The following CPXM1 variants were observed in gnomAD, a reference collection of about 807,000 sequenced individuals.
The protein encoded by CPXM1 is probable carboxypeptidase X1.
In CPXM1, 72 loss-of-function variants were observed where a neutral mutation model predicts 80.4. The observed-to-expected ratio is 0.90, with a 90% CI of 0.74 to 1.09. The LOEUF is 1.09. Among genes scored for constraint, CPXM1 ranks in the 50% least tolerant of loss-of-function variants. The probability of loss-of-function intolerance (pLI) is 0.00; values close to 1 mark genes in which losing one functional copy is unlikely to be tolerated. For synonymous variants in CPXM1, 403 were observed against 405.6 expected, an observed-to-expected ratio of 0.99 and a Z score of 0.08; for missense variants, 892 against 999.4, an observed-to-expected ratio of 0.89 and a Z score of 1.45.
chr20:2,798,353 G>A, intron 3 of CPXM1, 62 bp from the exon 4 acceptor site: 1 of 1,603,998 alleles, frequency 6.2e-7, no homozygotes, highest in Non-Finnish European at 8.5e-7. Context: ...CCAGGACAGA[G>A]AGGAGGCAGG....
At chr20:2,800,192 T>C (rs762209477) in intron 1 of CPXM1, among the ~76,000 whole-genome samples, 9 of 150,086 alleles carry the variant, frequency 6.0e-5, no homozygotes, top group South Asian at 4.2e-4. Flanking sequence ...TGCGCGCGCG[T>C]GTGAGTGCAA....
At chr20:2,800,180 A>G (rs1175571701) in intron 1 of CPXM1, among the ~76,000 whole-genome samples, 1 of 149,316 alleles carries the variant, frequency 6.7e-6, no homozygotes, top group African/African-American at 2.5e-5. Flanking sequence ...CATGCGTGTG[A>G]ATGCGCGCGC....
rs2088508877 is a variant in CPXM1, at chr20:2,796,373, G to A, written c.1116C>T (p.Leu372=). The change falls in exon 9 of 14, where the codon CTC becomes CTT. Residue 372 remains leucine, a synonymous_variant. Transcript: ENST00000380605. The surrounding 1 kb of genome is among the most constrained non-coding windows in gnomAD (Gnocchi z 6.8). ...NEALGRELLL[L]LMQFLCHEFL... is the part of the protein sequence containing the mutation. ...ACTCATGGCACAGGAACTGCATCAG[G>A]AGCAGAAGCAACTCCCGCCCCAGGG... 6.2e-7 allele frequency: 1 copy of A among 1,613,974 alleles called. No homozygotes were observed. The highest frequency in any genetic ancestry group is 8.5e-7 in the Non-Finnish European group (1 of 1,180,014).
chr20:2,794,783 A>G lies in CPXM1; in HGVS notation c.1861-144T>C. The G allele has an allele frequency of 1.6e-6, 1 of 617,220 alleles. No homozygotes were observed. The highest frequency in any genetic ancestry group is 2.9e-6 in the Non-Finnish European group (1 of 349,564). The allele number at this position is 617,220 out of a possible 1,614,324, so 38.2% of individuals were successfully genotyped here. On this transcript the variant is annotated intron_variant, in intron 12 of 13. Transcript: ENST00000380605. The surrounding 1 kb of genome is among the most constrained non-coding windows in gnomAD (Gnocchi z 5.2). ...TAGGTGACACTACTTCTGGAAGAAA[A>G]AAAAAAAAGAAATCCTGATTGACAA...
chr20:2,800,271 GGTGAGTGTGCATGACT>G (rs2146565087), intron 1 of CPXM1, 114 bp downstream of exon 1: 1 of 802,928 alleles, frequency 1.2e-6, no homozygotes, highest in Non-Finnish European at 1.8e-6. Context: ...GTGCGTGCGG[GGTGAGTGTGCATGACT>G]GTGAGTGTGC....
chr20:2,796,676 T>G lies in CPXM1; in HGVS notation c.922-26A>C, dbSNP rs768875938. 12 of 1,612,806 alleles carry G rather than the reference T, an allele frequency of 7.4e-6. No homozygotes were observed. In the South Asian group the frequency reaches 9.9e-5, roughly 13 times the overall value. On this transcript the variant is annotated intron_variant, in intron 7 of 13. Transcript: ENST00000380605. This position sits in a 1 kb window ranked among gnomAD's most constrained non-coding sequence, Gnocchi z 6.8. ...CTGGTGGGCAGAGTGTAGCGTGGCA[T>G]GAGGCATGGGAGGGGTACACCCAGG...
In CPXM1 at chr20:2,798,826, C is replaced by T; in HGVS notation, c.240G>A (p.Lys80=). 6.2e-7 allele frequency: 1 copy of T among 1,614,098 alleles called. No individual in the cohort carries two copies. The highest frequency in any genetic ancestry group is 8.5e-7 in the Non-Finnish European group (1 of 1,179,976). Residue 80 remains lysine (K), a synonymous_variant, in exon 2 of 14, where the codon AAG becomes AAA. Coordinates refer to ENST00000380605, the MANE Select transcript of CPXM1 (RefSeq NM_019609.5). ...KKKKVIMKKR[K]KLTLTRPTPL... Reference sequence around the variant, plus strand: ...GGGTGGGGCGAGTTAGAGTTAGCTTCTTCCGCTTCTTCATAATGACCTTTT... The same window carrying T: ...GGGTGGGGCGAGTTAGAGTTAGCTTTTTCCGCTTCTTCATAATGACCTTTT...
Position 2,796,258 on chromosome 20 carries a change from C to T in CPXM1, c.1231G>A (p.Ala411Thr), listed in dbSNP as rs756244542. The T allele has an allele frequency of 3.1e-6, 5 of 1,613,250 alleles. No individual in the cohort carries two copies. Among genetic ancestry groups the T allele is most frequent in the African/African-American group, 1.3e-5 (1 of 74,884 alleles). ...GCTGGGTGGCCTACCCGGTGGTAGG[C>T]GATCTCATAGCCATCAGGGTTCATG... ...PSMNPDGYEI[A>T]YHRGSELVGW... The change falls in exon 9 of 14, where the codon GCC (alanine) becomes ACC (threonine). Residue 411 changes from alanine (A) to threonine (T), a missense_variant. By Grantham distance (58) the Ala-to-Thr change is moderately conservative. Coordinates refer to ENST00000380605, the MANE Select transcript of CPXM1 (RefSeq NM_019609.5). This position sits in a 1 kb window ranked among gnomAD's most constrained non-coding sequence, Gnocchi z 6.8.
At position 2,798,906 on chromosome 20, in the gene CPXM1, G is replaced by C. The variant is rs1437815068; in HGVS notation, c.173-13C>G. 1 of 1,611,858 alleles carries C rather than the reference G, an allele frequency of 6.2e-7. No individual in the cohort carries two copies. The highest frequency in any genetic ancestry group is 8.5e-7 in the Non-Finnish European group (1 of 1,178,792). On this transcript the variant is annotated splice_polypyrimidine_tract_variant and intron_variant, in intron 1 of 13. Coordinates refer to ENST00000380605, the MANE Select transcript of CPXM1 (RefSeq NM_019609.5). ...TGTTCTGAGGTCCCTTGGGGTCCGA[G>C]AGGCACAGCATGGGGGAAAGGAAGA...
intron 1 of CPXM1, among the ~76,000 whole-genome samples, chr20:2,800,046 C>G (rs1023955568): frequency 1.3e-5 from 2 of 152,076 alleles, no homozygotes; most frequent in Non-Finnish European, 2.9e-5. Flanking sequence ...AGTCAGCAGC[C>G]ATTGCTCCCA....
At chr20:2,799,753 G>GCTGCCTTCCTCTCCCGCT (rs1286985222) in intron 1 of CPXM1, among the ~76,000 whole-genome samples, 12 of 152,138 alleles carry the variant, frequency 7.9e-5, no homozygotes, top group African/African-American at 2.7e-4. Flanking sequence ...GGGAGGTCGG[G>GCTGCCTTCCTCTCCCGCT]CTGCCTTCCT....
Position 2,796,057 on chromosome 20 carries a change from G to A in CPXM1, c.1347C>T (p.Asp449=), listed in dbSNP as rs140373758. ...GGACGATGTGGGGCACCTTCCCATCGTCCTGTGCTTCCCACAGTGGTGTGT... is the reference window on the plus strand; with the variant it reads ...GGACGATGTGGGGCACCTTCCCATCATCCTGTGCTTCCCACAGTGGTGTGT... ...DLNTPLWEAQ[D]DGKVPHIVPN... The change falls in exon 10 of 14, where the codon GAC becomes GAT. Residue 449 remains aspartate, a synonymous_variant. Coordinates refer to ENST00000380605, the MANE Select transcript of CPXM1 (RefSeq NM_019609.5). The surrounding 1 kb of genome is among the most constrained non-coding windows in gnomAD (Gnocchi z 6.8). 5.9e-5 allele frequency: 95 copies of A among 1,614,042 alleles called. No individual in the cohort carries two copies. Among genetic ancestry groups the A allele is most frequent in the East Asian group, 5.1e-4 (23 of 44,874 alleles).
chr20:2,798,381 C>T (rs764359545), intron 3 of CPXM1, 47 bp downstream of exon 3: 40 of 1,601,784 alleles, frequency 2.5e-5, no homozygotes, highest in Non-Finnish European at 3.3e-5. Context: ...CTCCCAGGGG[C>T]TGCCTTCCCT....
At position 2,800,382 on chromosome 20, in the gene CPXM1, C is replaced by A; in HGVS notation, c.172+19G>T. On this transcript the variant is annotated intron_variant, in intron 1 of 13. Coordinates refer to ENST00000380605, the MANE Select transcript of CPXM1 (RefSeq NM_019609.5). ...GCAGTCGGCTTGCGGGGGAGCGGAC[C>A]GTCGGTCGGGGAACTCACCGTTAGC... is the stretch of plus-strand genomic sequence containing the variant. 6.7e-7 allele frequency: 1 copy of A among 1,501,834 alleles called. No individual in the cohort carries two copies. The allele number at this position is 1,501,834 out of a possible 1,614,324, so 93.0% of individuals were successfully genotyped here.
In CPXM1 at chr20:2,795,330, A is replaced by C. The variant is rs769295245; in HGVS notation, c.1807T>G (p.Leu603Val). Reference sequence around the variant, plus strand: ...TTGTTGTTCTCCCACTCCTGGGGCAATTCATTCTCGTGAGGGAACTTGTCA... The same window carrying C: ...TTGTTGTTCTCCCACTCCTGGGGCACTTCATTCTCGTGAGGGAACTTGTCA... ...SCDKFPHENE[L>V]PQEWENNKDA... The change falls in exon 12 of 14, where the codon TTG becomes GTG. Residue 603 changes from leucine (L) to valine (V), a missense_variant. By Grantham distance (32) the Leu-to-Val change is conservative. Transcript: ENST00000380605. The surrounding 1 kb of genome is among the most constrained non-coding windows in gnomAD (Gnocchi z 5.4). 1 of 1,614,074 alleles carries C rather than the reference A, an allele frequency of 6.2e-7. No homozygotes were observed. Among genetic ancestry groups the C allele is most frequent in the Non-Finnish European group, 8.5e-7 (1 of 1,180,006 alleles).
rs767540902 is a variant in CPXM1, at chr20:2,797,955, T to C, written c.681+13A>G. On this transcript the variant is annotated intron_variant, in intron 5 of 13. Coordinates refer to ENST00000380605, the MANE Select transcript of CPXM1 (RefSeq NM_019609.5). Reference sequence around the variant, plus strand: ...CCCAGCATGGAGGCCCCAGCCACAGTGGGACCACTCACTGCGTCCATCCCA... The same window carrying C: ...CCCAGCATGGAGGCCCCAGCCACAGCGGGACCACTCACTGCGTCCATCCCA... The C allele has an allele frequency of 1.2e-5, 20 of 1,612,908 alleles. No individual in the cohort carries two copies. Among genetic ancestry groups the C allele is most frequent in the Admixed American group, 1.7e-5 (1 of 59,994 alleles).
intron 1 of CPXM1, among the ~76,000 whole-genome samples, 157 bp downstream of exon 1, chr20:2,800,244 T>C (rs987064026): frequency 2.0e-5 from 3 of 151,846 alleles, no homozygotes; most frequent in Non-Finnish European, 4.4e-5. Flanking sequence ...CGCGCGTGTG[T>C]GCGCGTGAGT....
At chr20:2,800,286 C>G (rs1033249030) in intron 1 of CPXM1, 115 bp downstream of exon 1, 4 of 957,506 alleles carry the variant, frequency 4.2e-6, no homozygotes, top group African/African-American at 1.7e-5. Flanking sequence ...GTGTGCATGA[C>G]TGTGAGTGTG....
Position 2,796,534 on chromosome 20 carries a change from A to G in CPXM1, c.1038T>C (p.His346=). Residue 346 remains histidine, a synonymous_variant, in exon 8 of 14, where the codon CAT becomes CAC. Coordinates refer to ENST00000380605, the MANE Select transcript of CPXM1 (RefSeq NM_019609.5). This position sits in a 1 kb window ranked among gnomAD's most constrained non-coding sequence, Gnocchi z 6.8. ...CACTCCCCATGCCAGTACCCAGCTCATGCTCCCCAGGCTTGTCCGACATTT... is the reference window on the plus strand; with the variant it reads ...CACTCCCCATGCCAGTACCCAGCTCGTGCTCCCCAGGCTTGTCCGACATTT... The part of the protein sequence containing the change: ...VMEMSDKPGE[H]ELGEPEVRYV... 6.2e-7 allele frequency: 1 copy of G among 1,613,784 alleles called. No homozygotes were observed. The highest frequency in any genetic ancestry group is 8.5e-7 in the Non-Finnish European group (1 of 1,179,774).
Sources: gnomAD v4.1 joint callset for allele counts (sites outside exome capture counted in the v4.1 genomes callset) on GRCh38, gnomAD v4.1.1 for gene constraint, Gnocchi (gnomAD v3.1) non-coding constraint, MANE v1.5 for transcripts, NCBI Gene and HGNC (gene_info 2026-07-23, HGNC 2026-07-21) for gene names.